The following NLGN4X variants were observed in gnomAD, a reference collection of about 807,000 sequenced individuals.
The protein encoded by NLGN4X is neuroligin 4 X-linked.
A neutral mutation model predicts 40.3 loss-of-function variants in NLGN4X; 3 were observed. The ratio of observed to expected loss-of-function variants is 0.07; its 90% CI spans 0.03 to 0.19. The LOEUF is 0.19. NLGN4X is among the 10% of genes least tolerant of loss of function. NLGN4X has a pLI of 1.00. For missense variants in NLGN4X, 382 were observed against 708.3 expected (o/e 0.54, Z 5.23); for synonymous variants, 270 against 306.8 (o/e 0.88, Z 1.25).
At chrX:6,196,152 G>C (rs1018338623) in intron 1 of NLGN4X, among the ~76,000 whole-genome samples, 1 of 111,255 alleles carries the variant, frequency 9.0e-6, no homozygotes, top group African/African-American at 3.3e-5. Flanking sequence ...GCTTAGCTTT[G>C]TTTACAGGTT....
chrX:6,012,841 C>A (rs2036290102), intron 3 of NLGN4X, among the ~76,000 whole-genome samples: 1 of 111,362 alleles, frequency 9.0e-6, no homozygotes, highest in African/African-American at 3.3e-5. Flanking sequence ...GGCAGCCCTG[C>A]CAACACGTTT....
chrX:5,955,956 A>T (rs1201952779), intron 3 of NLGN4X, among the ~76,000 whole-genome samples: 2 of 109,907 alleles, frequency 1.8e-5, no homozygotes. Flanking sequence ...ACACCATAAA[A>T]AGCATTCAGG....
intron 1 of NLGN4X, among the ~76,000 whole-genome samples, chrX:6,209,405 G>A (rs766754891): frequency 9.0e-6 from 1 of 111,282 alleles, no homozygotes; most frequent in Non-Finnish European, 1.9e-5. Flanking sequence ...AAACAGGAAC[G>A]TGTATACAAC....
At chrX:5,953,160 C>T (rs761730954) in intron 3 of NLGN4X, among the ~76,000 whole-genome samples, 1 of 110,435 alleles carries the variant, frequency 9.1e-6, no homozygotes, top group African/African-American at 3.3e-5. Flanking sequence ...CATTTGAGCT[C>T]GGGAGTTTGA....
chrX:6,021,093 C>T (rs181129969), intron 3 of NLGN4X, among the ~76,000 whole-genome samples: 1,395 of 39,176 alleles, frequency 0.036, 17 homozygotes, highest in East Asian at 0.074. Context: ...TCTCTCTCTC[C>T]CCCTCTCCCT....
rs1056083993 is a variant in NLGN4X at position 6,220,400 on chromosome X, G to T, written c.-306+8141C>A. On this transcript the variant is annotated intron_variant, in intron 1 of 5. Coordinates refer to ENST00000381095, the MANE Select transcript of NLGN4X (RefSeq NM_181332.3). ...ATCTTCTACAAAGGCAGATAAAAGG[G>T]TTATGAGTTTAGCGTTGGTAAAGGG... Among the ~76,000 whole-genome samples the T allele has an allele frequency of 3.9e-5, 3 of 77,389 alleles. No individual in the cohort carries two copies. In the Admixed American group the frequency reaches 4.6e-4, roughly 12 times the overall value. The allele number at this position is 77,389 out of a possible 115,157, so 67.2% of individuals were successfully genotyped here.
chrX:5,957,008 GA>G (rs2034514607), intron 3 of NLGN4X, among the ~76,000 whole-genome samples: 1 of 110,590 alleles, frequency 9.0e-6, no homozygotes, highest in African/African-American at 3.3e-5. Context: ...TAAAGGGAAA[GA>G]GAAGCAAACT....
chrX:6,043,306 A>G (rs2037228077), intron 2 of NLGN4X, among the ~76,000 whole-genome samples: 1 of 110,734 alleles, frequency 9.0e-6, no homozygotes, highest in Admixed American at 9.7e-5. Context: ...AATAGTCATA[A>G]AAAATACCTA....
At chrX:6,093,590 TAA>T (rs1402563866) in intron 2 of NLGN4X, among the ~76,000 whole-genome samples, 1 of 111,530 alleles carries the variant, frequency 9.0e-6, no homozygotes, top group Middle Eastern at 5.3e-3. Flanking sequence ...ATAAATAGCA[TAA>T]GTTATGCAAT....
intron 2 of NLGN4X, among the ~76,000 whole-genome samples, chrX:6,123,835 C>CA (rs59494482): frequency 0.038 from 2,264 of 59,226 alleles, 56 homozygotes; most frequent in African/African-American, 0.098. Flanking sequence ...TCAGGTAAAG[C>CA]AAAAAAAAAA....
intron 2 of NLGN4X, chrX:6,032,699 T>C (rs2036901156): frequency 4.2e-6 from 5 of 1,190,908 alleles, no homozygotes; most frequent in Non-Finnish European, 5.7e-6. Context: ...ACCTTCGTCT[T>C]CACCACGGTC....
At chrX:6,065,580 A>C (rs970958628) in intron 2 of NLGN4X, among the ~76,000 whole-genome samples, 4 of 111,399 alleles carry the variant, frequency 3.6e-5, no homozygotes, top group Non-Finnish European at 7.5e-5. Flanking sequence ...AGAAGGTGGA[A>C]AATTTTGCGG....
chrX:5,936,515 A>G (rs1357630484), intron 3 of NLGN4X, among the ~76,000 whole-genome samples: 1 of 112,032 alleles, frequency 8.9e-6, no homozygotes, highest in African/African-American at 3.2e-5. Context: ...CTGTGCCTGG[A>G]GAAATTATTA....
chrX:6,115,645 G>A (rs1316986518), intron 2 of NLGN4X, among the ~76,000 whole-genome samples: 1 of 111,945 alleles, frequency 8.9e-6, no homozygotes, highest in Non-Finnish European at 1.9e-5. Flanking sequence ...GACTTGGAAG[G>A]AGCATTTCAG....
intron 2 of NLGN4X, among the ~76,000 whole-genome samples, chrX:6,031,385 T>A (rs761325466): frequency 4.5e-5 from 5 of 111,509 alleles, no homozygotes; most frequent in Non-Finnish European, 9.4e-5. Context: ...AGAATGGAGA[T>A]CTCTCAGAGA....
intron 2 of NLGN4X, among the ~76,000 whole-genome samples, chrX:6,035,662 A>C (rs907488737): frequency 6.3e-5 from 7 of 111,314 alleles, no homozygotes; most frequent in Admixed American, 9.6e-5. Context: ...CGCTTGAACA[A>C]CACAGTTCTG....
chrX:6,203,395 A>C (rs1923786001), intron 1 of NLGN4X, among the ~76,000 whole-genome samples: 1 of 112,418 alleles, frequency 8.9e-6, no homozygotes, highest in Non-Finnish European at 1.9e-5. Context: ...TGACACCTGC[A>C]ATTAACACCT....
In NLGN4X at chrX:6,100,762, T is replaced by C. The variant is rs142619367; in HGVS notation, c.472+50233A>G. 5.6e-3 allele frequency among the ~76,000 whole-genome samples: 618 copies of C among 110,606 alleles called. 7 individuals are homozygous for C. Among genetic ancestry groups the C allele is most frequent in the African/African-American group, 0.019 (588 of 30,397 alleles). On this transcript the variant is annotated intron_variant, in intron 2 of 5. Transcript: ENST00000381095. ...TCACAAATATTAAGCTTTGAATAAA[T>C]AGGCCTAGACTCTGCAAGGTAGTAC...
At chrX:6,162,197 T>G (rs2040415274) in intron 1 of NLGN4X, among the ~76,000 whole-genome samples, 2 of 112,233 alleles carry the variant, frequency 1.8e-5, no homozygotes, top group Admixed American at 1.9e-4. Flanking sequence ...AGAGGTTTTG[T>G]GCAGTTTTAT....
Sources: allele counts gnomAD v4.1 joint callset (sites outside exome capture counted in the v4.1 genomes callset), GRCh38; gene constraint gnomAD v4.1.1; transcripts MANE v1.5; gene names NCBI Gene and HGNC (gene_info 2026-07-23, HGNC 2026-07-21).